SERAC1: variants seen among roughly 807,000 people sequenced by gnomAD.
SERAC1 encodes the protein protein SERAC1.
A neutral mutation model predicts 85.7 loss-of-function variants in SERAC1; 36 were observed. The ratio of observed to expected loss-of-function variants is 0.42; its 90% CI spans 0.32 to 0.55. The LOEUF (loss-of-function observed/expected upper bound fraction) is 0.55. Ranked by LOEUF, SERAC1 falls within the 20% of genes least tolerant of loss-of-function variation. SERAC1 has a pLI of 0.11. For synonymous variants in SERAC1, 242 were observed against 265.3 expected (o/e 0.91, Z 0.85); for missense variants, 629 against 796.2 (o/e 0.79, Z 2.53).
chr6:158,113,697 G>A, intron 15 of SERAC1, 105 bp from the exon 16 acceptor site: 12 of 1,100,778 alleles, frequency 1.1e-5, no homozygotes, highest in Non-Finnish European at 1.6e-5. Context: ...TCTGATTCAA[G>A]ACGGTGGCTT....
At chr6:158,146,627 G>A in intron 6 of SERAC1, 155 bp downstream of exon 6, 1 of 794,264 alleles carries the variant, frequency 1.3e-6, no homozygotes, top group Non-Finnish European at 1.9e-6. Flanking sequence ...GCCAGGGTGG[G>A]TCTTGAACTC....
intron 6 of SERAC1, chr6:158,145,905 C>G (rs1785044253): frequency 6.6e-6 from 1 of 152,088 alleles, no homozygotes; most frequent in African/African-American, 2.4e-5. Context: ...GTACTATAAC[C>G]AGAGAAGATA....
At chr6:158,146,554 G>A (rs1434135126) in intron 6 of SERAC1, 10 of 349,208 alleles carry the variant, frequency 2.9e-5, no homozygotes, top group African/African-American at 1.7e-4. Flanking sequence ...GACTACAGAC[G>A]CCCGCCACCA....
chr6:158,165,401 C>T lies in SERAC1; in HGVS notation c.-2+2739G>A, dbSNP rs140209149. ...CAATCTCCTGACCTCGTGATCCACC[C>T]GCCTCGGCCTACCAAAGTGCTGGGA... On this transcript the variant is annotated intron_variant, in intron 1 of 16. Transcript: ENST00000647468. Among the ~76,000 whole-genome samples, 1,495 of 152,148 alleles carry T rather than the reference C, an allele frequency of 9.8e-3. 26 individuals are homozygous for T. Among genetic ancestry groups the T allele is most frequent in the African/African-American group, 0.034 (1,392 of 41,518 alleles).
At chr6:158,159,208 T>C (rs935356935) in intron 1 of SERAC1, 8 of 152,188 alleles carry the variant, frequency 5.3e-5, no homozygotes, top group African/African-American at 1.7e-4. Context: ...TGAGCATTTC[T>C]TGTTCTTTCA....
At chr6:158,157,290 C>A (rs1204186695) in intron 2 of SERAC1, among the ~76,000 whole-genome samples, 1 of 152,150 alleles carries the variant, frequency 6.6e-6, no homozygotes. Flanking sequence ...AGTCACCGCA[C>A]CCAGCCTTAA....
chr6:158,147,628 G>C (rs1437698136), intron 5 of SERAC1, among the ~76,000 whole-genome samples: 1 of 150,526 alleles, frequency 6.6e-6, no homozygotes, highest in Non-Finnish European at 1.5e-5. Context: ...AAATTAGCTG[G>C]GTGTGGTGGC....
chr6:158,116,379 A>G, intron 13 of SERAC1, 97 bp from the exon 14 acceptor site: 1 of 820,096 alleles, frequency 1.2e-6, no homozygotes, highest in Non-Finnish European at 2.1e-6. Context: ...CTACAGGACC[A>G]ATGCTACATA....
intron 1 of SERAC1, among the ~76,000 whole-genome samples, chr6:158,165,588 AG>A (rs1482774308): frequency 6.6e-6 from 1 of 152,140 alleles, no homozygotes; most frequent in African/African-American, 2.4e-5. Flanking sequence ...ACTGTCCAAA[AG>A]AGAATTCTTT....
In SERAC1 at chr6:158,162,428, T is replaced by C. The variant is rs1583614774; in HGVS notation, c.-1-4064A>G. Reference sequence around the variant, plus strand: ...TCTTTTTGATGTTCTTACAATTCTCTACTTTATGTCTGGGTATGGGTTTGT... The same window carrying C: ...TCTTTTTGATGTTCTTACAATTCTCCACTTTATGTCTGGGTATGGGTTTGT... On this transcript the variant is annotated intron_variant, in intron 1 of 16. Coordinates refer to ENST00000647468, the MANE Select transcript of SERAC1 (RefSeq NM_032861.4). Among the ~76,000 whole-genome samples the C allele has an allele frequency of 2.0e-5, 3 of 152,356 alleles. No homozygotes were observed. The South Asian group carries it at 6.2e-4, about 32-fold the overall frequency.
intron 10 of SERAC1, among the ~76,000 whole-genome samples, chr6:158,127,389 TG>T (rs1583572174): frequency 1.1e-3 from 45 of 39,654 alleles, no homozygotes; most frequent in South Asian, 3.7e-3. Context: ...TCAGCCCCCC[TG>T]CCCGGCCAGC....
intron 1 of SERAC1, 43 bp from the exon 2 acceptor site, chr6:158,158,407 A>T (rs777566316): frequency 6.3e-6 from 9 of 1,425,018 alleles, no homozygotes; most frequent in South Asian, 1.2e-5. Context: ...TTTAGCATCT[A>T]AATCAAAACA....
Position 158,120,563 on chromosome 6 carries a change from A to G in SERAC1, c.1028T>C (p.Ile343Thr). 3.1e-6 allele frequency: 5 copies of G among 1,613,854 alleles called. No individual in the cohort carries two copies. The highest frequency in any genetic ancestry group is 4.2e-6 in the Non-Finnish European group (5 of 1,179,896). ...GGGAGATTTCATTGCTTCTGCCATG[A>G]TGGAAACCCAGCCTGGTGAAAAGTA... is the stretch of plus-strand genomic sequence containing the variant. ...SSIVRSGWVS[I>T]MAEAMKSPHI... The change falls in exon 11 of 17, where the codon ATC becomes ACC. Residue 343 changes from isoleucine to threonine, a missense_variant. Physicochemically the swap from Ile to Thr is moderately conservative, Grantham distance 89. Transcript: ENST00000647468. This position sits in a 1 kb window ranked among gnomAD's most constrained non-coding sequence, Gnocchi z 4.4.
chr6:158,114,321 A>C (rs902467880), intron 15 of SERAC1: 1 of 187,512 alleles, frequency 5.3e-6, no homozygotes, highest in Non-Finnish European at 1.0e-5. Context: ...GCAAAAAGAC[A>C]CCTGGTATAT....
At position 158,117,597 on chromosome 6, in the gene SERAC1, T is replaced by C. The variant is rs759789023; in HGVS notation, c.1403+130A>G. On this transcript the variant is annotated intron_variant, in intron 13 of 16. Coordinates refer to ENST00000647468, the MANE Select transcript of SERAC1 (RefSeq NM_032861.4). The surrounding 1 kb of genome is among the most constrained non-coding windows in gnomAD (Gnocchi z 4.3). ...CCTTCTAGAAGGAAGACAAAAAAGA[T>C]TAGGTTTGTTCTTCATAAGAAAATC... 1 of 1,558,012 alleles carries C rather than the reference T, an allele frequency of 6.4e-7. No individual in the cohort carries two copies.
At chr6:158,165,228 T>C (rs1462384566) in intron 1 of SERAC1, among the ~76,000 whole-genome samples, 1 of 152,030 alleles carries the variant, frequency 6.6e-6, no homozygotes, top group Non-Finnish European at 1.5e-5. Flanking sequence ...CGATCTCGGC[T>C]CACTGCAAAC....
intron 10 of SERAC1, among the ~76,000 whole-genome samples, chr6:158,124,609 A>G (rs1176547379): frequency 6.6e-6 from 1 of 152,160 alleles, no homozygotes; most frequent in Admixed American, 6.6e-5. Flanking sequence ...AGAGTCAAAA[A>G]TCAAACAGAA....
chr6:158,156,970 A>G (rs1395255056), intron 2 of SERAC1, among the ~76,000 whole-genome samples: 1 of 127,700 alleles, frequency 7.8e-6, no homozygotes, highest in African/African-American at 2.9e-5. Flanking sequence ...ATATTAATAT[A>G]TTTATATATA....
intron 2 of SERAC1, among the ~76,000 whole-genome samples, chr6:158,155,803 ATTATG>A (rs1785315640): frequency 6.6e-6 from 1 of 152,204 alleles, no homozygotes; most frequent in Non-Finnish European, 1.5e-5. Context: ...TTCTAAAGTA[ATTATG>A]TTATAATTGA....
Sources: allele counts gnomAD v4.1 joint callset (sites outside exome capture counted in the v4.1 genomes callset), GRCh38; gene constraint gnomAD v4.1.1; non-coding constraint Gnocchi (gnomAD v3.1); transcripts MANE v1.5; gene names NCBI Gene and HGNC (gene_info 2026-07-23, HGNC 2026-07-21).